Variants in CAPN7 observed in about 807,000 individuals in gnomAD.
CAPN7 encodes calpain-7.
In CAPN7, 72 loss-of-function variants were observed where a neutral mutation model predicts 115.2. The observed-to-expected ratio is 0.63, with a 90% confidence interval of 0.52 to 0.76. CAPN7 has a LOEUF of 0.76. Ranked by LOEUF, CAPN7 falls within the 30% of genes least tolerant of loss-of-function variation. CAPN7 has a pLI of 0.00. For synonymous variants in CAPN7, 344 were observed against 322.3 expected (o/e 1.07, Z -0.72); for missense variants, 905 against 971.5 (o/e 0.93, Z 0.91).
intron 1 of CAPN7, 33 bp from the exon 2 acceptor site, chr3:15,212,071 C>A: frequency 1.5e-6 from 2 of 1,363,572 alleles, no homozygotes; most frequent in Non-Finnish European, 1.0e-6. Flanking sequence ...TGTAATACAT[C>A]TATTGGATTC....
chr3:15,225,922 T>C (rs2124935948), intron 6 of CAPN7, among the ~76,000 whole-genome samples: 1 of 152,310 alleles, frequency 6.6e-6, no homozygotes, highest in East Asian at 1.9e-4. Flanking sequence ...TAAATGTTTT[T>C]AAGTTGGGTT....
rs1695388163 is a variant in CAPN7 at position 15,242,169 on chromosome 3, T to A, written c.1789-9T>A. 1 of 1,585,660 alleles carries A rather than the reference T, an allele frequency of 6.3e-7. No homozygotes were observed. On this transcript the variant is annotated splice_polypyrimidine_tract_variant and intron_variant, in intron 15 of 20. Coordinates refer to ENST00000253693, the MANE Select transcript of CAPN7 (RefSeq NM_014296.3). ...TTTTCTAACCACATTGGATTCTTTGTGATTTTAGGATGATTTTGCGAATAA... is the reference window on the plus strand; with the variant it reads ...TTTTCTAACCACATTGGATTCTTTGAGATTTTAGGATGATTTTGCGAATAA...
At position 15,206,451 on chromosome 3, in the gene CAPN7, T is replaced by C; in HGVS notation, c.-45T>C. ...CGCCGCAGTCCGCGAAGAGCCGTCC[T>C]GCGTCAGGGCCTCCTTCCCTGCCCC... is the stretch of plus-strand genomic sequence containing the variant. On this transcript the variant is annotated 5_prime_UTR_variant, in exon 1 of 21. Transcript: ENST00000253693. 7.0e-7 allele frequency: 1 copy of C among 1,431,018 alleles called. No individual in the cohort carries two copies. The highest frequency in any genetic ancestry group is 9.5e-7 in the Non-Finnish European group (1 of 1,048,194). The allele number at this position is 1,431,018 out of a possible 1,614,324, so 88.6% of individuals were successfully genotyped here.
chr3:15,223,418 T>C (rs1242739497), intron 5 of CAPN7, 57 bp from the exon 6 acceptor site: 4 of 1,055,434 alleles, frequency 3.8e-6, no homozygotes, highest in Non-Finnish European at 5.9e-6. Flanking sequence ...AGAGTTGAAA[T>C]AAGATTGGCA....
intron 6 of CAPN7, among the ~76,000 whole-genome samples, chr3:15,224,296 G>A (rs1004566033): frequency 2.0e-5 from 3 of 148,660 alleles, no homozygotes; most frequent in Non-Finnish European, 3.0e-5. Context: ...TTTTGAGATA[G>A]GGTCTCACTC....
intron 11 of CAPN7, 120 bp downstream of exon 11, chr3:15,234,093 A>G (rs1694849657): frequency 3.6e-6 from 2 of 553,268 alleles, no homozygotes; most frequent in Non-Finnish European, 6.4e-6. Flanking sequence ...AGGCAGGCAG[A>G]TGACCTGAGT....
intron 14 of CAPN7, 129 bp from the exon 15 acceptor site, chr3:15,241,324 C>A (rs988618634): frequency 1.1e-5 from 9 of 852,816 alleles, no homozygotes; most frequent in African/African-American, 5.1e-5. Context: ...CTAGTTATGC[C>A]AAAAAAATTT....
At chr3:15,210,745 G>A (rs1440551998) in intron 1 of CAPN7, 1 of 1,271,208 alleles carries the variant, frequency 7.9e-7, no homozygotes, top group African/African-American at 1.5e-5. Flanking sequence ...ACTTTGTAGA[G>A]ACAGGGTTTC....
chr3:15,210,988 T>G, intron 1 of CAPN7: 1 of 1,103,378 alleles, frequency 9.1e-7, no homozygotes, highest in African/African-American at 1.7e-5. Flanking sequence ...CTTCCTGGAA[T>G]GGTGATGAGG....
chr3:15,232,306 A>T, intron 9 of CAPN7: 2 of 441,546 alleles, frequency 4.5e-6, no homozygotes, highest in South Asian at 5.9e-5. Context: ...GAAGGTTATC[A>T]TCTGACAGAT....
At chr3:15,223,341 A>C in intron 5 of CAPN7, 134 bp from the exon 6 acceptor site, 1 of 629,566 alleles carries the variant, frequency 1.6e-6, no homozygotes, top group Non-Finnish European at 2.8e-6. Flanking sequence ...GTCCAAAGAT[A>C]TATCAACAAC....
chr3:15,217,397 C>T lies in CAPN7; in HGVS notation c.212-28C>T, dbSNP rs767761944. The T allele has an allele frequency of 1.9e-5, 30 of 1,549,362 alleles. No homozygotes were observed. The South Asian group carries it at 3.4e-4, about 17-fold the overall frequency. On this transcript the variant is annotated intron_variant, in intron 2 of 20. Coordinates refer to ENST00000253693, the MANE Select transcript of CAPN7 (RefSeq NM_014296.3). ...TTCTGGCTGTATTTAGATAATACTC[C>T]TTCTGCGTATTTTTTTTTCTATCCT...
chr3:15,213,077 G>A (rs9849091), intron 2 of CAPN7, among the ~76,000 whole-genome samples: 1,752 of 152,266 alleles, frequency 0.012, 26 homozygotes, highest in African/African-American at 0.04. Context: ...TGTACTGCCT[G>A]TGTTATTGGA....
chr3:15,210,762 T>C, intron 1 of CAPN7: 1 of 1,287,896 alleles, frequency 7.8e-7, no homozygotes, highest in South Asian at 1.2e-5. Flanking sequence ...TTTCACCATG[T>C]TGCCCAGGCT....
At chr3:15,250,804 G>A (rs1270157062) in intron 19 of CAPN7, 127 bp from the exon 20 acceptor site, 3 of 638,620 alleles carry the variant, frequency 4.7e-6, no homozygotes, top group Non-Finnish European at 8.1e-6. Flanking sequence ...AAAATAGAGT[G>A]TGTATGTTTC....
At chr3:15,232,200 C>T (rs7615001) in intron 9 of CAPN7, 21,133 of 355,198 alleles carry the variant, frequency 0.059, 4,260 homozygotes, top group African/African-American at 0.43. Flanking sequence ...ATCAAGAAGT[C>T]TTGGATTTTG....
intron 4 of CAPN7, among the ~76,000 whole-genome samples, chr3:15,220,174 T>C (rs562316752): frequency 6.6e-6 from 1 of 151,904 alleles, no homozygotes; most frequent in African/African-American, 2.4e-5. Context: ...CGCTCTAGCT[T>C]GGGCAACAGA....
At position 15,252,828 on chromosome 3, in the gene CAPN7, G is replaced by A. The variant is rs1334504455; in HGVS notation, c.*1568G>A. On this transcript the variant is annotated 3_prime_UTR_variant, in exon 21 of 21. Transcript: ENST00000253693. ...CTTGAAGGTAAAGCTTCAAAAGACAGGTTACTGACCATTGAGTGTTTACTA... is the reference window on the plus strand; with the variant it reads ...CTTGAAGGTAAAGCTTCAAAAGACAAGTTACTGACCATTGAGTGTTTACTA... The A allele has an allele frequency of 6.6e-6, 1 of 151,426 alleles. No individual in the cohort carries two copies. The highest frequency in any genetic ancestry group is 2.5e-5 in the African/African-American group (1 of 40,710). The allele number at this position is 151,426 out of a possible 1,614,324, so 9.4% of individuals were successfully genotyped here. A position where few individuals can be genotyped will look rare whatever the true frequency, so the allele number is the denominator to read the frequency against.
At chr3:15,249,550 A>G (rs573434697) in intron 19 of CAPN7, among the ~76,000 whole-genome samples, 1 of 152,300 alleles carries the variant, frequency 6.6e-6, no homozygotes, top group South Asian at 2.1e-4. Context: ...TTGCATTTAA[A>G]AAATTCATAT....
Sources: gnomAD v4.1 joint callset for allele counts (sites outside exome capture counted in the v4.1 genomes callset) on GRCh38, gnomAD v4.1.1 for gene constraint, MANE v1.5 for transcripts, NCBI Gene and HGNC (gene_info 2026-07-23, HGNC 2026-07-21) for gene names.